NKAIN2: variants seen among roughly 807,000 people sequenced by gnomAD.
NKAIN2 encodes sodium/potassium-transporting ATPase subunit beta-1-interacting protein 2.
NKAIN2 carries 14 observed loss-of-function variants against 32.6 expected under a neutral mutation model. The ratio of observed to expected loss-of-function variants is 0.43; its 90% CI spans 0.28 to 0.67. The LOEUF is 0.67. NKAIN2 is among the 30% of genes least tolerant of loss of function. The pLI, the probability that NKAIN2 is intolerant of heterozygous loss-of-function variation, is 0.17. For missense variants in NKAIN2, 198 were observed against 258.3 expected (o/e 0.77, Z 1.60); for synonymous variants, 80 against 87.2 (o/e 0.92, Z 0.46).
intron 1 of NKAIN2, among the ~76,000 whole-genome samples, chr6:123,886,287 CAAT>C (rs1022213201): frequency 1.3e-5 from 2 of 151,988 alleles, no homozygotes; most frequent in Admixed American, 6.6e-5. Flanking sequence ...GAAATACACA[CAAT>C]GATTTCTTTA....
At chr6:124,384,494 G>A (rs566826233) in intron 3 of NKAIN2, among the ~76,000 whole-genome samples, 2 of 152,238 alleles carry the variant, frequency 1.3e-5, no homozygotes, top group African/African-American at 2.4e-5. Flanking sequence ...ATTAAATTAT[G>A]TGCTTTATCA....
At chr6:124,698,780 G>A (rs796815342) in intron 4 of NKAIN2, among the ~76,000 whole-genome samples, 17 of 152,230 alleles carry the variant, frequency 1.1e-4, no homozygotes, top group African/African-American at 3.9e-4. Context: ...AAAAGTCAAC[G>A]TCAATTTACA....
At chr6:124,190,125 G>C (rs1789943402) in intron 1 of NKAIN2, among the ~76,000 whole-genome samples, 1 of 152,194 alleles carries the variant, frequency 6.6e-6, no homozygotes, top group Admixed American at 6.5e-5. Flanking sequence ...CCCATAGACA[G>C]GGTTACACGT....
intron 3 of NKAIN2, among the ~76,000 whole-genome samples, chr6:124,621,116 C>T (rs1386115172): frequency 2.0e-5 from 3 of 152,082 alleles, no homozygotes; most frequent in African/African-American, 7.2e-5. Flanking sequence ...GATTCTGACT[C>T]AATTGGTAAG....
intron 1 of NKAIN2, among the ~76,000 whole-genome samples, chr6:124,102,852 G>T (rs1784956219): frequency 6.6e-6 from 1 of 152,004 alleles, no homozygotes; most frequent in Admixed American, 6.6e-5. Context: ...ACTTGTAAGG[G>T]GGGCAATCTG....
At chr6:124,718,533 A>G (rs1226408477) in intron 4 of NKAIN2, among the ~76,000 whole-genome samples, 1 of 152,230 alleles carries the variant, frequency 6.6e-6, no homozygotes, top group Non-Finnish European at 1.5e-5. Flanking sequence ...CAATGTGACT[A>G]TGAACATTTG....
intron 1 of NKAIN2, among the ~76,000 whole-genome samples, chr6:124,273,035 A>G (rs1794868439): frequency 6.6e-6 from 1 of 152,164 alleles, no homozygotes; most frequent in Admixed American, 6.5e-5. Flanking sequence ...GTGGAAGGAA[A>G]TTGCCTTGTC....
chr6:124,295,596 G>T (rs1343123808), intron 2 of NKAIN2, among the ~76,000 whole-genome samples: 2 of 152,070 alleles, frequency 1.3e-5, no homozygotes, highest in Non-Finnish European at 2.9e-5. Flanking sequence ...AAGCCAGTTT[G>T]CAAAATCCTA....
intron 1 of NKAIN2, among the ~76,000 whole-genome samples, chr6:124,242,634 G>A (rs945864600): frequency 4.6e-5 from 7 of 152,006 alleles, no homozygotes; most frequent in Non-Finnish European, 8.8e-5. Flanking sequence ...CAAAGACTTG[G>A]AACCAACCCA....
At chr6:124,173,155 G>A (rs56814314) in intron 1 of NKAIN2, among the ~76,000 whole-genome samples, 8,506 of 152,126 alleles carry the variant, frequency 0.056, 435 homozygotes, top group African/African-American at 0.12. Context: ...CTAATTGCAT[G>A]ATATAAAATG....
intron 3 of NKAIN2, among the ~76,000 whole-genome samples, chr6:124,656,536 T>C (rs181031058): frequency 3.4e-4 from 52 of 152,182 alleles, no homozygotes; most frequent in African/African-American, 1.2e-3. Flanking sequence ...GCTAATGAGA[T>C]TGAAAAGTGT....
At chr6:124,079,157 A>G (rs1783834549) in intron 1 of NKAIN2, among the ~76,000 whole-genome samples, 1 of 152,040 alleles carries the variant, frequency 6.6e-6, no homozygotes, top group African/African-American at 2.4e-5. Flanking sequence ...CCCCGTCTCT[A>G]CTAAAAATAC....
intron 4 of NKAIN2, among the ~76,000 whole-genome samples, chr6:124,764,905 T>C (rs1778442997): frequency 6.6e-6 from 1 of 152,202 alleles, no homozygotes; most frequent in Admixed American, 6.5e-5. Flanking sequence ...TTTGTGTTAC[T>C]TTAAGGTGAA....
intron 1 of NKAIN2, among the ~76,000 whole-genome samples, chr6:124,043,901 C>T (rs1042665283): frequency 6.6e-6 from 1 of 152,006 alleles, no homozygotes; most frequent in African/African-American, 2.4e-5. Context: ...ACACTGACTT[C>T]CCTGGTGAAC....
intron 4 of NKAIN2, among the ~76,000 whole-genome samples, chr6:124,781,804 A>G (rs1009164763): frequency 2.6e-5 from 4 of 152,142 alleles, no homozygotes; most frequent in African/African-American, 9.7e-5. Flanking sequence ...CAGTCCAACT[A>G]GATTATACTG....
chr6:123,807,779 A>C (rs932253404), intron 1 of NKAIN2, among the ~76,000 whole-genome samples: 12 of 152,176 alleles, frequency 7.9e-5, no homozygotes, highest in Admixed American at 4.6e-4. Flanking sequence ...GTCATAAACT[A>C]TTGAAAGAAA....
intron 1 of NKAIN2, among the ~76,000 whole-genome samples, chr6:123,822,400 A>G (rs1049928633): frequency 3.9e-5 from 6 of 152,204 alleles, no homozygotes; most frequent in Non-Finnish European, 8.8e-5. Flanking sequence ...TATTGGATAC[A>G]CACAGTGGGA....
At chr6:124,203,268 C>T (rs1008346987) in intron 1 of NKAIN2, among the ~76,000 whole-genome samples, 3 of 151,752 alleles carry the variant, frequency 2.0e-5, no homozygotes, top group Non-Finnish European at 4.4e-5. Flanking sequence ...TCAGTGATAT[C>T]CAATGGCTGA....
At chr6:123,867,823 T>TTTGAGCATC (rs1441246115) in intron 1 of NKAIN2, among the ~76,000 whole-genome samples, 1 of 152,082 alleles carries the variant, frequency 6.6e-6, no homozygotes, top group East Asian at 1.9e-4. Flanking sequence ...TTTTATGATA[T>TTTGAGCATC]TTGAGCATCA....
Sources: gnomAD v4.1 joint callset for allele counts (sites outside exome capture counted in the v4.1 genomes callset) on GRCh38, gnomAD v4.1.1 for gene constraint, MANE v1.5 for transcripts, NCBI Gene and HGNC (gene_info 2026-07-23, HGNC 2026-07-21) for gene names.